SLC24A2: variants seen among roughly 807,000 people sequenced by gnomAD.
SLC24A2 encodes sodium/potassium/calcium exchanger 2.
Under a neutral mutation model 62.0 loss-of-function variants are expected in SLC24A2, and 36 were observed. The observed-to-expected ratio is 0.58, with a 90% CI of 0.44 to 0.77. SLC24A2 has a LOEUF of 0.77. SLC24A2 is among the 30% of genes least tolerant of loss of function. SLC24A2 has a pLI of 0.00. For synonymous variants in SLC24A2, 358 were observed against 294.0 expected (o/e 1.22, Z -2.23); for missense variants, 846 against 817.9 (o/e 1.03, Z -0.42).
At chr9:20,230,795 T>A in the SLC24A2 span, among the ~76,000 whole-genome samples, 3 of 152,330 alleles carry the variant, frequency 2.0e-5, no homozygotes, top group Non-Finnish European at 2.9e-5. Context: ...GTTTTAGACA[T>A]GAAGTCCTTG....
chr9:20,074,495 T>C, the SLC24A2 span, among the ~76,000 whole-genome samples: 1 of 151,438 alleles, frequency 6.6e-6, no homozygotes, highest in Non-Finnish European at 1.5e-5. Flanking sequence ...AGCTATAATT[T>C]GGCAGTTCTT....
intron 8 of SLC24A2, among the ~76,000 whole-genome samples, chr9:19,548,911 A>G (rs939455460): frequency 1.3e-5 from 2 of 152,200 alleles, no homozygotes; most frequent in Non-Finnish European, 2.9e-5. Context: ...AATCTGATGC[A>G]TATTAGGTAT....
At chr9:20,249,599 G>A in the SLC24A2 span, among the ~76,000 whole-genome samples, 7 of 151,376 alleles carry the variant, frequency 4.6e-5, no homozygotes, top group East Asian at 5.9e-4. Context: ...CAGCTACTTG[G>A]GAGACTGAGG....
the SLC24A2 span, among the ~76,000 whole-genome samples, chr9:19,891,871 C>T: frequency 9.3e-3 from 1,410 of 152,250 alleles, 23 homozygotes; most frequent in African/African-American, 0.032. Flanking sequence ...CCCTCAAGAC[C>T]CAAACACCTC....
At chr9:19,949,222 G>C in the SLC24A2 span, among the ~76,000 whole-genome samples, 1 of 151,916 alleles carries the variant, frequency 6.6e-6, no homozygotes, top group Admixed American at 6.6e-5. Context: ...TTGAACTCCC[G>C]ATCTCAGGTG....
chr9:19,690,512 A>G (rs1388115706), intron 2 of SLC24A2, among the ~76,000 whole-genome samples: 1 of 152,116 alleles, frequency 6.6e-6, no homozygotes, highest in African/African-American at 2.4e-5. Context: ...GCTAAGATCT[A>G]CTGGTGGCTT....
the SLC24A2 span, among the ~76,000 whole-genome samples, chr9:20,112,800 C>G: frequency 6.6e-6 from 1 of 151,934 alleles, no homozygotes; most frequent in East Asian, 1.9e-4. Context: ...TGAACAGCCC[C>G]CATGACTTCT....
chr9:19,575,945 T>C (rs1835997052), intron 6 of SLC24A2, among the ~76,000 whole-genome samples: 1 of 143,394 alleles, frequency 7.0e-6, no homozygotes, highest in Admixed American at 6.8e-5. Context: ...TGAAAAACTT[T>C]ATAGAAGCAT....
intron 2 of SLC24A2, among the ~76,000 whole-genome samples, chr9:19,629,198 A>T (rs992330842): frequency 4.6e-5 from 7 of 152,294 alleles, no homozygotes; most frequent in African/African-American, 1.7e-4. Flanking sequence ...ACGAACTCAG[A>T]CAGTTGGGCT....
At chr9:19,918,392 T>TG in the SLC24A2 span, among the ~76,000 whole-genome samples, 1 of 14,050 alleles carries the variant, frequency 7.1e-5, no homozygotes, top group South Asian at 3.1e-3. Context: ...TCTGCCTTTA[T>TG]CAAAAAAAAA....
the SLC24A2 span, among the ~76,000 whole-genome samples, chr9:20,038,698 C>T: frequency 9.3e-5 from 14 of 151,038 alleles, no homozygotes; most frequent in Non-Finnish European, 1.6e-4. Context: ...TCACAGTCTC[C>T]TCATTTGCAT....
At chr9:20,212,544 G>C in the SLC24A2 span, among the ~76,000 whole-genome samples, 1 of 151,600 alleles carries the variant, frequency 6.6e-6, no homozygotes, top group Non-Finnish European at 1.5e-5. Context: ...CCAGCTACTC[G>C]GGAGGCATAT....
the SLC24A2 span, among the ~76,000 whole-genome samples, chr9:19,838,772 A>G: frequency 1.3e-5 from 2 of 151,870 alleles, no homozygotes; most frequent in African/African-American, 4.8e-5. Flanking sequence ...CTAATTTAAA[A>G]AAAAAAAAAA....
chr9:19,548,239 C>G (rs969703422), intron 8 of SLC24A2, among the ~76,000 whole-genome samples: 2 of 147,552 alleles, frequency 1.4e-5, no homozygotes, highest in African/African-American at 5.4e-5. Flanking sequence ...TCAAAATATT[C>G]TATTCCAAGT....
the SLC24A2 span, among the ~76,000 whole-genome samples, chr9:20,175,376 C>T: frequency 6.6e-6 from 1 of 151,582 alleles, no homozygotes. Context: ...CTCCAATAAC[C>T]TGTGGGAAAA....
the SLC24A2 span, among the ~76,000 whole-genome samples, chr9:20,133,514 G>A: frequency 1.6e-4 from 24 of 151,984 alleles, no homozygotes; most frequent in East Asian, 1.9e-3. Context: ...ATTAAGCATC[G>A]CAAATTACAA....
At chr9:19,980,632 T>C in the SLC24A2 span, among the ~76,000 whole-genome samples, 4 of 152,124 alleles carry the variant, frequency 2.6e-5, no homozygotes, top group Admixed American at 2.6e-4. Flanking sequence ...GATTTCTCAC[T>C]TCCATTTGAG....
chr9:19,808,868 G>C, the SLC24A2 span, among the ~76,000 whole-genome samples: 1 of 152,148 alleles, frequency 6.6e-6, no homozygotes, highest in Admixed American at 6.5e-5. This position sits in a 1 kb window ranked among gnomAD's most constrained non-coding sequence, Gnocchi z 4.1. Context: ...ACATCCGCAG[G>C]CTGGCTGCCA....
At chr9:19,692,256 T>C (rs1302986032) in intron 2 of SLC24A2, among the ~76,000 whole-genome samples, 2 of 152,164 alleles carry the variant, frequency 1.3e-5, no homozygotes, top group Non-Finnish European at 2.9e-5. Flanking sequence ...CCATGAACTA[T>C]GTTGTCAAGT....
Sources: allele counts gnomAD v4.1 joint callset (sites outside exome capture counted in the v4.1 genomes callset), GRCh38; gene constraint gnomAD v4.1.1; non-coding constraint Gnocchi (gnomAD v3.1); transcripts MANE v1.5; gene names NCBI Gene and HGNC (gene_info 2026-07-23, HGNC 2026-07-21).